Variants in WWOX observed in about 807,000 individuals in gnomAD.
The protein encoded by WWOX is WW domain containing oxidoreductase.
WWOX carries 69 observed loss-of-function variants against 46.2 expected under a neutral mutation model. That is an observed-to-expected ratio of 1.49 (90% CI 1.23 to 1.82). WWOX has a LOEUF of 1.82. WWOX is among the 40% of genes most tolerant of loss of function. WWOX has a pLI of 0.00. For missense variants in WWOX, 919 were observed against 542.6 expected (o/e 1.69, Z -6.89); for synonymous variants, 359 against 202.6 (o/e 1.77, Z -6.56).
chr16:78,613,283 C>A (rs117674288), intron 8 of WWOX, among the ~76,000 whole-genome samples: 2 of 152,126 alleles, frequency 1.3e-5, no homozygotes, highest in Non-Finnish European at 2.9e-5. Context: ...ATCACTCTTT[C>A]AGAAACATGA....
chr16:78,494,408 A>T (rs1303079936), intron 8 of WWOX, among the ~76,000 whole-genome samples: 2 of 152,100 alleles, frequency 1.3e-5, no homozygotes, highest in African/African-American at 2.4e-5. Context: ...AGAGGCTTAG[A>T]GGAGGTTCAA....
chr16:78,466,331 A>G lies in WWOX; in HGVS notation c.1056+33579A>G, dbSNP rs564714437. ...CAGGCGTGAGCCATTGCACCCGGCTATTGGGTACAAGTTTCCTTTGGGGTG... is the reference window on the plus strand; with the variant it reads ...CAGGCGTGAGCCATTGCACCCGGCTGTTGGGTACAAGTTTCCTTTGGGGTG... On this transcript the variant is annotated intron_variant, in intron 8 of 8. Transcript: ENST00000566780. 1.7e-4 allele frequency among the ~76,000 whole-genome samples: 26 copies of G among 151,806 alleles called. No homozygotes were observed. The East Asian group carries it at 2.0e-3, about 11-fold the overall frequency.
chr16:79,012,639 G>A (rs1029587521), intron 8 of WWOX, among the ~76,000 whole-genome samples: 1 of 152,202 alleles, frequency 6.6e-6, no homozygotes, highest in African/African-American at 2.4e-5. Flanking sequence ...AGAGATGGCT[G>A]TGATTAACCA....
chr16:78,669,079 C>A (rs188694844), intron 8 of WWOX, among the ~76,000 whole-genome samples: 2 of 152,222 alleles, frequency 1.3e-5, no homozygotes, highest in African/African-American at 4.8e-5. Flanking sequence ...GAAGCTACAA[C>A]TGGAGCTAAG....
At chr16:78,775,396 C>T (rs1293247491) in intron 8 of WWOX, among the ~76,000 whole-genome samples, 3 of 152,138 alleles carry the variant, frequency 2.0e-5, no homozygotes, top group African/African-American at 7.2e-5. Context: ...TAAAACAGGG[C>T]CTGACTTTTA....
At chr16:78,774,690 G>T (rs142392417) in intron 8 of WWOX, among the ~76,000 whole-genome samples, 1 of 151,860 alleles carries the variant, frequency 6.6e-6, no homozygotes, top group Non-Finnish European at 1.5e-5. Context: ...TGTCTGTGTG[G>T]GGGGAGGGGA....
intron 8 of WWOX, among the ~76,000 whole-genome samples, chr16:78,988,513 A>ATT (rs1207300357): frequency 2.0e-5 from 3 of 152,142 alleles, no homozygotes; most frequent in Admixed American, 2.0e-4. Context: ...TGGTTGAGGA[A>ATT]TTCAGCCTAC....
intron 6 of WWOX, among the ~76,000 whole-genome samples, chr16:78,397,006 A>G (rs559301648): frequency 6.6e-5 from 10 of 152,272 alleles, no homozygotes; most frequent in Admixed American, 3.3e-4. Context: ...TCATCATGAG[A>G]AATATATTCT....
intron 8 of WWOX, among the ~76,000 whole-genome samples, chr16:78,565,567 T>A (rs1489005459): frequency 6.6e-6 from 1 of 152,212 alleles, no homozygotes; most frequent in Admixed American, 6.5e-5. Flanking sequence ...AATACCCAGA[T>A]AATCTTGGAT....
intron 8 of WWOX, among the ~76,000 whole-genome samples, chr16:79,123,106 G>A (rs1198126189): frequency 1.3e-5 from 2 of 152,186 alleles, no homozygotes; most frequent in East Asian, 1.9e-4. Context: ...TTTCTGGTCT[G>A]TGCGTGCTGT....
At chr16:78,632,069 A>G (rs1294865313) in intron 8 of WWOX, among the ~76,000 whole-genome samples, 1 of 152,204 alleles carries the variant, frequency 6.6e-6, no homozygotes, top group Non-Finnish European at 1.5e-5. Flanking sequence ...CATGAAATCC[A>G]GAAACTGGAG....
At chr16:79,190,712 G>A (rs934739904) in intron 8 of WWOX, among the ~76,000 whole-genome samples, 2 of 152,010 alleles carry the variant, frequency 1.3e-5, no homozygotes, top group African/African-American at 4.8e-5. Context: ...ACCAAATCCT[G>A]CCTGCTGTTT....
At chr16:78,422,403 G>C (rs2082953872) in intron 6 of WWOX, among the ~76,000 whole-genome samples, 1 of 151,438 alleles carries the variant, frequency 6.6e-6, no homozygotes, top group South Asian at 2.1e-4. Flanking sequence ...GCCTGTAGTG[G>C]TATGATCATA....
chr16:78,863,248 A>C (rs930594613), intron 8 of WWOX, among the ~76,000 whole-genome samples: 22 of 151,882 alleles, frequency 1.4e-4, no homozygotes, highest in Admixed American at 2.6e-4. Flanking sequence ...GTGAGCCACC[A>C]CTCCCAGCCA....
chr16:78,437,392 T>C (rs1489520158), intron 8 of WWOX, among the ~76,000 whole-genome samples: 2 of 152,256 alleles, frequency 1.3e-5, no homozygotes, highest in Admixed American at 6.5e-5. Context: ...TGATCTGTCT[T>C]TTAAATGTTG....
At chr16:78,747,254 C>T (rs182798114) in intron 8 of WWOX, among the ~76,000 whole-genome samples, 22 of 149,354 alleles carry the variant, frequency 1.5e-4, no homozygotes, top group African/African-American at 3.0e-4. Context: ...TGCAGTAGCA[C>T]GATCTCGGCT....
chr16:78,871,379 A>T (rs1326771531), intron 8 of WWOX, among the ~76,000 whole-genome samples: 1 of 152,104 alleles, frequency 6.6e-6, no homozygotes, highest in East Asian at 1.9e-4. Flanking sequence ...AAAGCCTTGT[A>T]ATGATGTTTG....
intron 8 of WWOX, among the ~76,000 whole-genome samples, chr16:78,970,011 C>T (rs1597220132): frequency 6.6e-6 from 1 of 151,860 alleles, no homozygotes. Flanking sequence ...TGAATCATAT[C>T]TCAACAAAGC....
intron 5 of WWOX, among the ~76,000 whole-genome samples, chr16:78,363,958 C>A (rs1394060271): frequency 1.3e-5 from 2 of 152,216 alleles, no homozygotes; most frequent in Non-Finnish European, 2.9e-5. Context: ...GTCACTCTTG[C>A]TGACATCCGA....
Sources: allele counts gnomAD v4.1 joint callset (sites outside exome capture counted in the v4.1 genomes callset), GRCh38; gene constraint gnomAD v4.1.1; transcripts MANE v1.5; gene names NCBI Gene and HGNC (gene_info 2026-07-23, HGNC 2026-07-21).